ABTB2: variants seen among roughly 807,000 people sequenced by gnomAD.
ABTB2 encodes the protein ankyrin repeat and BTB/POZ domain-containing protein 2.
ABTB2 carries 56 observed loss-of-function variants against 104.1 expected under a neutral mutation model. That is an observed-to-expected ratio of 0.54 (90% CI 0.43 to 0.67). ABTB2 has a LOEUF of 0.67. Ranked by LOEUF, ABTB2 falls within the 30% of genes least tolerant of loss-of-function variation. ABTB2 has a pLI of 0.00. For missense variants in ABTB2, 1,279 were observed against 1,407.7 expected (o/e 0.91, Z 1.46); for synonymous variants, 606 against 608.2 (o/e 1.00, Z 0.05).
chr11:34,237,276 C>CTTTTTTTTT (rs561473313), intron 1 of ABTB2, among the ~76,000 whole-genome samples: 1 of 116,232 alleles, frequency 8.6e-6, no homozygotes, highest in Non-Finnish European at 1.8e-5. Context: ...CCTGGATATT[C>CTTTTTTTTT]TTTTTTTTTT....
chr11:34,320,483 A>G (rs964750344), intron 1 of ABTB2, among the ~76,000 whole-genome samples: 1 of 152,196 alleles, frequency 6.6e-6, no homozygotes, highest in African/African-American at 2.4e-5. Flanking sequence ...GACCATTTCA[A>G]TGCCTCCACA....
intron 1 of ABTB2, among the ~76,000 whole-genome samples, chr11:34,243,481 A>G (rs890912504): frequency 1.3e-5 from 2 of 152,246 alleles, no homozygotes; most frequent in East Asian, 3.9e-4. Context: ...TTCCTCATCC[A>G]TAACCCTGCC....
intron 1 of ABTB2, among the ~76,000 whole-genome samples, chr11:34,292,787 A>G (rs1854577388): frequency 6.6e-6 from 1 of 152,128 alleles, no homozygotes; most frequent in African/African-American, 2.4e-5. Context: ...AGAGACTTGC[A>G]CTAAGTCAGG....
chr11:34,197,376 G>A lies in ABTB2; in HGVS notation c.1193C>T (p.Ser398Phe), dbSNP rs751459192. ...YYFLRCPQMESMENPNLDPPR... is the reference protein window; with the variant it reads ...YYFLRCPQMEFMENPNLDPPR... ...GGGGTCCAGGTTGGGGTTCTCCATG[G>A]ACTCCATCTGTGGACACCGCAGAAA... The change falls in exon 3 of 17, where the codon TCC becomes TTC. Residue 398 changes from serine (S) to phenylalanine (F), a missense_variant. Coordinates refer to ENST00000435224, the MANE Select transcript of ABTB2 (RefSeq NM_145804.3). 1.9e-6 allele frequency: 3 copies of A among 1,613,874 alleles called. No individual in the cohort carries two copies. The African/African-American group carries it at 4.0e-5, about 22-fold the overall frequency.
chr11:34,306,856 G>C (rs1854781273), intron 1 of ABTB2, among the ~76,000 whole-genome samples: 1 of 152,056 alleles, frequency 6.6e-6, no homozygotes, highest in Non-Finnish European at 1.5e-5. Flanking sequence ...AAATTCTGCT[G>C]TGTGAAAGTT....
At chr11:34,302,476 G>C (rs1422140837) in intron 1 of ABTB2, among the ~76,000 whole-genome samples, 5 of 152,188 alleles carry the variant, frequency 3.3e-5, no homozygotes, top group Non-Finnish European at 7.3e-5. Context: ...TTCTTGCCCT[G>C]AGCCTCTGGT....
intron 1 of ABTB2, among the ~76,000 whole-genome samples, chr11:34,254,465 A>T (rs781218718): frequency 2.0e-5 from 3 of 151,232 alleles, no homozygotes; most frequent in Non-Finnish European, 4.4e-5. Flanking sequence ...TATTTCCCAG[A>T]CCGGTCTCAA....
chr11:34,330,680 A>T (rs563524395), intron 1 of ABTB2, among the ~76,000 whole-genome samples: 5 of 152,244 alleles, frequency 3.3e-5, no homozygotes, highest in Non-Finnish European at 5.9e-5. Flanking sequence ...TCCAGCAGAG[A>T]GATAGTTGTC....
rs563500516 is a variant in ABTB2, at chr11:34,187,130, T to C, written c.1244+10195A>G. ...TGTAATAGTTTCCTCCAAGAGCTAC[T>C]GTAAGGACCTGTTAGAGAGCTGTGT... On this transcript the variant is annotated intron_variant, in intron 3 of 16. Transcript: ENST00000435224. Among the ~76,000 whole-genome samples, 13 of 152,342 alleles carry C rather than the reference T, an allele frequency of 8.5e-5. No homozygotes were observed. In the East Asian group the frequency reaches 2.3e-3, roughly 27 times the overall value.
At chr11:34,314,218 C>T (rs1457362280) in intron 1 of ABTB2, among the ~76,000 whole-genome samples, 1 of 152,164 alleles carries the variant, frequency 6.6e-6, no homozygotes, top group Non-Finnish European at 1.5e-5. Flanking sequence ...ATGGCCATGT[C>T]GCATGCCCAA....
chr11:34,238,927 G>T (rs1853879266), intron 1 of ABTB2, among the ~76,000 whole-genome samples: 1 of 152,024 alleles, frequency 6.6e-6, no homozygotes, highest in African/African-American at 2.4e-5. Flanking sequence ...CTGAATTTTT[G>T]TATTTTTAGT....
chr11:34,216,326 A>T (rs1853548049), intron 1 of ABTB2, among the ~76,000 whole-genome samples: 1 of 152,152 alleles, frequency 6.6e-6, no homozygotes, highest in African/African-American at 2.4e-5. Context: ...CTGCCTATTC[A>T]TCCCTCCCTG....
At chr11:34,198,626 C>A (rs1219006538) in intron 2 of ABTB2, among the ~76,000 whole-genome samples, 1 of 152,178 alleles carries the variant, frequency 6.6e-6, no homozygotes, top group Admixed American at 6.5e-5. Context: ...ACTCCAAAGT[C>A]CATGGACTTC....
intron 7 of ABTB2, among the ~76,000 whole-genome samples, chr11:34,166,974 C>T (rs1852810168): frequency 6.6e-6 from 1 of 152,176 alleles, no homozygotes; most frequent in Non-Finnish European, 1.5e-5. Context: ...CCCCAGTGTG[C>T]CCGACACGAG....
chr11:34,293,780 A>C (rs1290343705), intron 1 of ABTB2, among the ~76,000 whole-genome samples: 1 of 152,118 alleles, frequency 6.6e-6, no homozygotes, highest in Non-Finnish European at 1.5e-5. Context: ...GCTGGAGTGC[A>C]ATGGCACAAT....
At chr11:34,271,864 T>C (rs1042088455) in intron 1 of ABTB2, among the ~76,000 whole-genome samples, 1 of 152,230 alleles carries the variant, frequency 6.6e-6, no homozygotes, top group African/African-American at 2.4e-5. Context: ...CTTGTCCTTA[T>C]ATCCCTAGCA....
chr11:34,240,038 C>T (rs1462261441), intron 1 of ABTB2, among the ~76,000 whole-genome samples: 1 of 152,174 alleles, frequency 6.6e-6, no homozygotes, highest in East Asian at 1.9e-4. Context: ...TTCCTCACCA[C>T]AAAAGATAGT....
At chr11:34,200,141 G>A (rs1391541642) in intron 2 of ABTB2, among the ~76,000 whole-genome samples, 4 of 152,288 alleles carry the variant, frequency 2.6e-5, no homozygotes, top group East Asian at 1.9e-4. Context: ...GTTTCTCCAG[G>A]TCTAAATGTC....
In ABTB2 at chr11:34,270,340, CT is replaced by C. The variant is rs35884906; in HGVS notation, c.884-65651del. Among the ~76,000 whole-genome samples, 1,156 of 137,340 alleles carry C rather than the reference CT, an allele frequency of 8.4e-3. 5 individuals carry two copies. The highest frequency in any genetic ancestry group is 0.022 in the African/African-American group (815 of 37,572). 90.1% of individuals were successfully genotyped at this position (137,340 alleles called of 152,430 possible). On this transcript the variant is annotated intron_variant, in intron 1 of 16. Transcript: ENST00000435224. Reference sequence around the variant, plus strand: ...CTGTTCACCACTGTAGACGGTTTTCCTTTTTTTTTTTTTTTTTGAGATGGAG... The same window carrying C: ...CTGTTCACCACTGTAGACGGTTTTCCTTTTTTTTTTTTTTTTGAGATGGAG...
Sources: allele counts gnomAD v4.1 joint callset (sites outside exome capture counted in the v4.1 genomes callset), GRCh38; gene constraint gnomAD v4.1.1; transcripts MANE v1.5; gene names NCBI Gene and HGNC (gene_info 2026-07-23, HGNC 2026-07-21).